SBNO2: variants seen among roughly 807,000 people sequenced by gnomAD.
The protein encoded by SBNO2 is strawberry notch homolog 2.
SBNO2 carries 89 observed loss-of-function variants against 146.3 expected under a neutral mutation model. The ratio of observed to expected loss-of-function variants is 0.61; its 90% CI spans 0.51 to 0.73. The LOEUF (loss-of-function observed/expected upper bound fraction) is 0.73, where lower values mean the gene tolerates loss of function less well. SBNO2 is among the 30% of genes least tolerant of loss of function. SBNO2 has a pLI of 0.00. For synonymous variants in SBNO2, 1,147 were observed against 892.6 expected, an observed-to-expected ratio of 1.29 and a Z score of -5.08; for missense variants, 2,092 against 2,003.7, an observed-to-expected ratio of 1.04 and a Z score of -0.84.
intron 18 of SBNO2, 45 bp downstream of exon 18, chr19:1,114,186 G>C: frequency 7.1e-7 from 1 of 1,402,786 alleles, no homozygotes; most frequent in South Asian, 1.6e-5. Flanking sequence ...GCCTGGACTG[G>C]AATCCTGACC....
At chr19:1,164,401 GGAGGAGGAGGA>G (rs2080381629) in intron 1 of SBNO2, among the ~76,000 whole-genome samples, 1 of 124,586 alleles carries the variant, frequency 8.0e-6, no homozygotes. Context: ...AGGAGGAGGA[GGAGGAGGAGGA>G]GGAGGAACAG....
chr19:1,152,487 A>C (rs2080251965), intron 2 of SBNO2, among the ~76,000 whole-genome samples: 1 of 152,114 alleles, frequency 6.6e-6, no homozygotes, highest in Non-Finnish European at 1.5e-5. Context: ...TGGCTTGGCC[A>C]GTCCCCTTTA....
At chr19:1,162,018 C>T (rs1012407357) in intron 1 of SBNO2, among the ~76,000 whole-genome samples, 1 of 150,292 alleles carries the variant, frequency 6.7e-6, no homozygotes, top group Non-Finnish European at 1.5e-5. Flanking sequence ...GCGGGCACGG[C>T]CACAGATGGC....
Position 1,149,355 on chromosome 19 carries a change from G to A in SBNO2, c.167+14C>T. On this transcript the variant is annotated intron_variant, in intron 3 of 31. Transcript: ENST00000361757. ...CAAGCCTGGGGGCCAGGCGGGGAGGGTCCCGGTACTCACCGGCTGTCGCTG... is the reference window on the plus strand; with the variant it reads ...CAAGCCTGGGGGCCAGGCGGGGAGGATCCCGGTACTCACCGGCTGTCGCTG... 1 of 1,550,282 alleles carries A rather than the reference G, an allele frequency of 6.5e-7. No individual in the cohort carries two copies. The highest frequency in any genetic ancestry group is 8.7e-7 in the Non-Finnish European group (1 of 1,146,666).
intron 4 of SBNO2, among the ~76,000 whole-genome samples, chr19:1,132,545 C>T (rs566716454): frequency 1.9e-4 from 29 of 152,338 alleles, no homozygotes; most frequent in African/African-American, 7.0e-4. Context: ...TTCCGTTCCA[C>T]GGGGACCAGC....
At chr19:1,149,528 C>A in intron 2 of SBNO2, 86 bp from the exon 3 acceptor site, 7 of 1,308,028 alleles carry the variant, frequency 5.4e-6, no homozygotes, top group Non-Finnish European at 7.5e-6. Context: ...GGTGACAGGC[C>A]GAGAGGCTAG....
chr19:1,159,108 C>T (rs914737058), intron 1 of SBNO2, among the ~76,000 whole-genome samples: 2 of 152,212 alleles, frequency 1.3e-5, no homozygotes, highest in Admixed American at 1.3e-4. Flanking sequence ...GCTATGACCA[C>T]CGCACACTGG....
intron 4 of SBNO2, among the ~76,000 whole-genome samples, chr19:1,133,103 TTGGAGGAGCTGGGGAGG>T (rs1568597034): frequency 6.6e-6 from 1 of 151,928 alleles, no homozygotes; most frequent in Non-Finnish European, 1.5e-5. Flanking sequence ...CTCGGTGTCC[TTGGAGGAGCTGGGGAGG>T]CCCCAGGGCC....
rs755089169 is a variant in SBNO2, at chr19:1,114,383, G to A, written c.1925C>T (p.Ala642Val). 131 of 1,551,996 alleles carry A rather than the reference G, an allele frequency of 8.4e-5. 3 individuals carry two copies. The highest frequency in any genetic ancestry group is 6.7e-4 in the South Asian group (56 of 84,030). ...RGRGAKAPRL[A>V]CETAGVIRIS... Reference sequence around the variant, plus strand: ...GCGGATGACGCCCGCTGTCTCGCACGCCAGCCGGGGGGCTTTGGCCCCGCG... The same window carrying A: ...GCGGATGACGCCCGCTGTCTCGCACACCAGCCGGGGGGCTTTGGCCCCGCG... Residue 642 changes from alanine (A) to valine (V), a missense_variant, in exon 18 of 32, where the codon GCG (alanine) becomes GTG (valine). Transcript: ENST00000361757.
Position 1,119,971 on chromosome 19 carries a change from C to G in SBNO2, c.1202G>C (p.Gly401Ala). The change falls in exon 12 of 32, where the codon GGC becomes GCC. Residue 401 changes from glycine to alanine, a missense_variant. Physicochemically the swap from Gly to Ala is moderately conservative, Grantham distance 60. Transcript: ENST00000361757. ...KAKNAGSTKM[G>A]KAVLDLQNKL... is the part of the protein sequence containing the mutation. ...GTTCTGCAGGTCTAGCACAGCCTTG[C>G]CCATCTTGGTGGAGCCGGCATTCTT... 6.4e-7 allele frequency: 1 copy of G among 1,551,270 alleles called. No individual in the cohort carries two copies. Among genetic ancestry groups the G allele is most frequent in the Non-Finnish European group, 8.7e-7 (1 of 1,147,266 alleles).
rs868744161 is a variant in SBNO2 at position 1,158,859 on chromosome 19, C to T, written c.-126-4457G>A. ...TTGCGGCCTCCGGTGACCTCACAGCCGTGATGGCCTCCTGCAGCTGTGACC... is the reference window on the plus strand; with the variant it reads ...TTGCGGCCTCCGGTGACCTCACAGCTGTGATGGCCTCCTGCAGCTGTGACC... On this transcript the variant is annotated intron_variant, in intron 1 of 31. Coordinates refer to ENST00000361757, the MANE Select transcript of SBNO2 (RefSeq NM_014963.3). The surrounding 1 kb of genome is among the most constrained non-coding windows in gnomAD (Gnocchi z 9.9). Among the ~76,000 whole-genome samples the T allele has an allele frequency of 6.6e-6, 1 of 152,138 alleles. No homozygotes were observed. The highest frequency in any genetic ancestry group is 1.5e-5 in the Non-Finnish European group (1 of 68,018).
chr19:1,115,765 GC>G (rs757814124), intron 17 of SBNO2: 1 of 561,298 alleles, frequency 1.8e-6, no homozygotes, highest in Admixed American at 3.2e-5. Context: ...TCCGTGTCCC[GC>G]CCCCCGGGTC....
intron 15 of SBNO2, 38 bp downstream of exon 15, chr19:1,117,285 C>CCGGCCGCCCTCAGCCCT: frequency 1.3e-6 from 2 of 1,530,288 alleles, no homozygotes; most frequent in Non-Finnish European, 1.8e-6. Flanking sequence ...CCCTGCAGGC[C>CCGGCCGCCCTCAGCCCT]CGGCCGCCCT....
At position 1,149,376 on chromosome 19, in the gene SBNO2, CG is replaced by C; in HGVS notation, c.159del (p.Ser53ArgfsTer7). ...FSLPPYPAFSSDSRPFMSSAS... is the reference protein window; with the variant it reads ...FSLPPYPAFSXDSRPFMSSAS... Reference sequence around the variant, plus strand: ...GAGGGTCCCGGTACTCACCGGCTGTCGCTGGAGAAGGCAGGGTATGGCGGCA... The same window carrying C: ...GAGGGTCCCGGTACTCACCGGCTGTCCTGGAGAAGGCAGGGTATGGCGGCA... On this transcript the variant is annotated frameshift_variant, in exon 3 of 32. Coordinates refer to ENST00000361757, the MANE Select transcript of SBNO2 (RefSeq NM_014963.3). LOFTEE classifies it high-confidence loss of function. 6.4e-7 allele frequency: 1 copy of C among 1,552,150 alleles called. No homozygotes were observed. Among genetic ancestry groups the C allele is most frequent in the Non-Finnish European group, 8.7e-7 (1 of 1,148,016 alleles).
Position 1,107,952 on chromosome 19 carries a change from C to T in SBNO2, c.*268G>A. 1 of 271,500 alleles carries T rather than the reference C, an allele frequency of 3.7e-6. No individual in the cohort carries two copies. The highest frequency in any genetic ancestry group is 7.5e-5 in the East Asian group (1 of 13,268). 16.8% of individuals were successfully genotyped at this position (271,500 alleles called of 1,614,324 possible). A position where few individuals can be genotyped will look rare whatever the true frequency, so the allele number is the denominator to read the frequency against. On this transcript the variant is annotated 3_prime_UTR_variant, in exon 32 of 32. Coordinates refer to ENST00000361757, the MANE Select transcript of SBNO2 (RefSeq NM_014963.3). ...TGGGCCCACTGAGCCCTTGTGGGTG[C>T]CCAGTCCCAGAGCAGCCACCCGGAG... is the stretch of plus-strand genomic sequence containing the variant.
rs1331686596 is a variant in SBNO2, at chr19:1,157,988, C to T, written c.-126-3586G>A. Reference sequence around the variant, plus strand: ...TCTCTCCTGAGTCCGGATAACTGTCCGCCTCCCAGCTCTCTCCTGAGTCTG... The same window carrying T: ...TCTCTCCTGAGTCCGGATAACTGTCTGCCTCCCAGCTCTCTCCTGAGTCTG... On this transcript the variant is annotated intron_variant, in intron 1 of 31. Transcript: ENST00000361757. This position sits in a 1 kb window ranked among gnomAD's most constrained non-coding sequence, Gnocchi z 6.8. Among the ~76,000 whole-genome samples the T allele has an allele frequency of 2.0e-5, 3 of 149,854 alleles. No individual in the cohort carries two copies. Among genetic ancestry groups the T allele is most frequent in the Non-Finnish European group, 4.4e-5 (3 of 67,582 alleles).
intron 1 of SBNO2, among the ~76,000 whole-genome samples, chr19:1,165,829 CAGACCCCA>C: frequency 8.1e-6 from 1 of 123,028 alleles, no homozygotes; most frequent in African/African-American, 3.0e-5. Context: ...CTCAGACCCC[CAGACCCCA>C]GATCCCAGAT....
At chr19:1,167,808 G>A (rs1421131020) in intron 1 of SBNO2, among the ~76,000 whole-genome samples, 1 of 152,206 alleles carries the variant, frequency 6.6e-6, no homozygotes, top group East Asian at 1.9e-4. Context: ...CGGTCAGGCC[G>A]CGTGCACGGA....
At chr19:1,161,906 CGGGGG>C (rs916715232) in intron 1 of SBNO2, among the ~76,000 whole-genome samples, 3 of 1,344 alleles carry the variant, frequency 2.2e-3, no homozygotes, top group East Asian at 8.5e-3. Flanking sequence ...TGGGGAGCCG[CGGGGG>C]GGGGGGGGGG....
Sources: gnomAD v4.1 joint callset for allele counts (sites outside exome capture counted in the v4.1 genomes callset) on GRCh38, gnomAD v4.1.1 for gene constraint, Gnocchi (gnomAD v3.1) non-coding constraint, MANE v1.5 for transcripts, NCBI Gene and HGNC (gene_info 2026-07-23, HGNC 2026-07-21) for gene names.